LRRC49: variants seen among roughly 807,000 people sequenced by gnomAD.
The protein encoded by LRRC49 is leucine-rich repeat-containing protein 49.
LRRC49 carries 50 observed loss-of-function variants against 83.3 expected under a neutral mutation model. The observed-to-expected ratio is 0.60, with a 90% CI of 0.48 to 0.76. LRRC49 has a LOEUF of 0.76. Ranked by LOEUF, LRRC49 falls within the 30% of genes least tolerant of loss-of-function variation. The pLI, the probability that LRRC49 is intolerant of heterozygous loss-of-function variation, is 0.00. For synonymous variants in LRRC49, 286 were observed against 283.3 expected (o/e 1.01, Z -0.10); for missense variants, 704 against 809.1 (o/e 0.87, Z 1.58).
At chr15:70,890,012 T>G (rs2033510845), upstream of LRRC49, among the ~76,000 whole-genome samples, 1 of 152,244 alleles carries the variant, frequency 6.6e-6, no homozygotes, top group South Asian at 2.1e-4. Context: ...AGTATATTAA[T>G]GTACTATGGA....
rs1373987558 is a variant in LRRC49, at chr15:70,893,891, C to CT, written c.105+261dup. ...TTGTTTTTTTTTTTTGACATTTACA[C>CT]TTTTTTTTTTCTTGAGACAGGGTCT... On this transcript the variant is annotated intron_variant, in intron 2 of 15. Transcript: ENST00000260382. Among the ~76,000 whole-genome samples the CT allele has an allele frequency of 6.4e-4, 94 of 145,902 alleles. No homozygotes were observed. In the East Asian group the frequency reaches 0.012, roughly 18 times the overall value.
chr15:70,977,914 C>T (rs1326101222), intron 9 of LRRC49, among the ~76,000 whole-genome samples: 1 of 152,088 alleles, frequency 6.6e-6, no homozygotes, highest in Non-Finnish European at 1.5e-5. Flanking sequence ...TATGTGACCT[C>T]ATACAAGTTA....
At chr15:71,040,065 A>G (rs1411877816) in intron 15 of LRRC49, among the ~76,000 whole-genome samples, 2 of 152,200 alleles carry the variant, frequency 1.3e-5, no homozygotes, top group Non-Finnish European at 2.9e-5. Flanking sequence ...TGAATAACAA[A>G]CATTATAGCC....
chr15:70,860,014 C>G, intron 1 of LRRC49: 2 of 749,692 alleles, frequency 2.7e-6, no homozygotes, highest in South Asian at 2.7e-5. Context: ...CAAGCCCCGG[C>G]CTCAGCTACA....
intron 11 of LRRC49, among the ~76,000 whole-genome samples, chr15:70,992,492 G>T (rs574423973): frequency 6.6e-6 from 1 of 152,266 alleles, no homozygotes; most frequent in Non-Finnish European, 1.5e-5. Context: ...TTTTGGTGTG[G>T]ATGTCCTTTC....
At chr15:70,953,341 T>A (rs1306905347) in intron 8 of LRRC49, among the ~76,000 whole-genome samples, 1 of 152,208 alleles carries the variant, frequency 6.6e-6, no homozygotes, top group South Asian at 2.1e-4. Context: ...ATGAATACTC[T>A]TAGCTTTGCT....
At chr15:70,990,907 A>C (rs1214613002) in intron 11 of LRRC49, among the ~76,000 whole-genome samples, 2 of 152,132 alleles carry the variant, frequency 1.3e-5, no homozygotes, top group African/African-American at 4.8e-5. Flanking sequence ...TTTAAACTTC[A>C]CATGTTCCAA....
Position 70,986,453 on chromosome 15 carries a change from A to G in LRRC49, c.1169+2196A>G, listed in dbSNP as rs533959404. Among the ~76,000 whole-genome samples, 14 of 152,218 alleles carry G rather than the reference A, an allele frequency of 9.2e-5. No individual in the cohort carries two copies. In the South Asian group the frequency reaches 2.3e-3, roughly 25 times the overall value. On this transcript the variant is annotated intron_variant, in intron 11 of 15. Coordinates refer to ENST00000260382, the MANE Select transcript of LRRC49 (RefSeq NM_017691.5). ...CTCTGTTTGTCTGTTATTGGTGTAT[A>G]AGAATGCTTGTGATTTTTGCACATT...
intron 9 of LRRC49, among the ~76,000 whole-genome samples, chr15:70,976,753 T>G (rs886163559): frequency 6.6e-6 from 1 of 152,176 alleles, no homozygotes; most frequent in African/African-American, 2.4e-5. Context: ...ATGGCTTTTG[T>G]CCCAGAAATT....
chr15:70,939,735 A>C (rs1009119719), intron 8 of LRRC49, among the ~76,000 whole-genome samples: 1 of 152,110 alleles, frequency 6.6e-6, no homozygotes, highest in African/African-American at 2.4e-5. Flanking sequence ...GTCACTGTTA[A>C]AATAGTCTTC....
At chr15:70,952,404 G>GTT (rs2036251939) in intron 8 of LRRC49, among the ~76,000 whole-genome samples, 1 of 151,776 alleles carries the variant, frequency 6.6e-6, no homozygotes, top group African/African-American at 2.4e-5. Flanking sequence ...GCTTTTTTTG[G>GTT]TTGGTAGACT....
chr15:70,911,235 A>G (rs973997526), intron 5 of LRRC49, among the ~76,000 whole-genome samples: 1 of 152,184 alleles, frequency 6.6e-6, no homozygotes, highest in Non-Finnish European at 1.5e-5. Flanking sequence ...TAAGGAGTTT[A>G]GATTATATTC....
intron 8 of LRRC49, among the ~76,000 whole-genome samples, chr15:70,952,942 G>A (rs935920478): frequency 2.0e-5 from 3 of 152,048 alleles, no homozygotes; most frequent in Admixed American, 6.6e-5. Flanking sequence ...TTTATCTGAT[G>A]TATGAATAGC....
At chr15:70,875,645 A>C (rs186669673) in intron 2 of LRRC49, among the ~76,000 whole-genome samples, 1 of 152,364 alleles carries the variant, frequency 6.6e-6, no homozygotes, top group Non-Finnish European at 1.5e-5. Context: ...TGTGCCCAGC[A>C]GTGTTCTAGG....
At chr15:70,873,989 A>T (rs1271397358) in intron 2 of LRRC49, among the ~76,000 whole-genome samples, 1 of 152,172 alleles carries the variant, frequency 6.6e-6, no homozygotes, top group Non-Finnish European at 1.5e-5. Context: ...GATGTCAAGG[A>T]TACAGTCCTT....
chr15:70,893,473 G>A, intron 1 of LRRC49, 111 bp from the exon 2 acceptor site: 2 of 689,758 alleles, frequency 2.9e-6, no homozygotes, highest in Non-Finnish European at 5.1e-6. Flanking sequence ...AACAGAAATA[G>A]AGCATTGTGT....
At chr15:71,049,078 T>C (rs1486076437) in intron 15 of LRRC49, among the ~76,000 whole-genome samples, 1 of 152,210 alleles carries the variant, frequency 6.6e-6, no homozygotes, top group Non-Finnish European at 1.5e-5. Flanking sequence ...GAGTCTGCAT[T>C]CAGCTGACTT....
chr15:71,004,731 A>G (rs573488068), intron 11 of LRRC49, among the ~76,000 whole-genome samples: 144 of 152,246 alleles, frequency 9.5e-4, no homozygotes, highest in African/African-American at 3.4e-3. Context: ...AAAGAATGAG[A>G]TCATGTTATT....
chr15:70,904,304 C>T (rs1024471366), intron 4 of LRRC49, among the ~76,000 whole-genome samples: 43 of 152,010 alleles, frequency 2.8e-4, no homozygotes, highest in African/African-American at 9.9e-4. Context: ...AACTTATATT[C>T]GAGTTTTTTA....
Sources: allele counts gnomAD v4.1 joint callset (sites outside exome capture counted in the v4.1 genomes callset), GRCh38; gene constraint gnomAD v4.1.1; transcripts MANE v1.5; gene names NCBI Gene and HGNC (gene_info 2026-07-23, HGNC 2026-07-21).